The following RPS6KA2 variants were observed in gnomAD, a reference collection of about 807,000 sequenced individuals.
The protein encoded by RPS6KA2 is ribosomal protein S6 kinase alpha-2.
A neutral mutation model predicts 91.8 loss-of-function variants in RPS6KA2; 42 were observed. The ratio of observed to expected loss-of-function variants is 0.46; its 90% CI spans 0.36 to 0.59. The LOEUF (loss-of-function observed/expected upper bound fraction) is 0.59. Among genes scored for constraint, RPS6KA2 ranks in the 20% least tolerant of loss-of-function variants. RPS6KA2 has a pLI of 0.00. For missense variants in RPS6KA2, 798 were observed against 978.5 expected, an observed-to-expected ratio of 0.82 and a Z score of 2.46; for synonymous variants, 414 against 393.6, an observed-to-expected ratio of 1.05 and a Z score of -0.61.
chr6:166,650,476 T>A (rs1203234073), intron 2 of RPS6KA2, among the ~76,000 whole-genome samples: 1 of 151,690 alleles, frequency 6.6e-6, no homozygotes, highest in Non-Finnish European at 1.5e-5. Flanking sequence ...TTCACCGTCC[T>A]CTTTTCACGG....
rs924600833 is a variant in RPS6KA2, at chr6:166,726,185, A to T, written c.123+132015T>A. ...TTCACATAACTACTTTGATAAATCT[A>T]CTATTTATAAGCAAAGTCCTAGCCA... On this transcript the variant is annotated intron_variant, in intron 2 of 21. Transcript: ENST00000503859. The surrounding 1 kb of genome is among the most constrained non-coding windows in gnomAD (Gnocchi z 4.4). Among the ~76,000 whole-genome samples, 1 of 151,900 alleles carries T rather than the reference A, an allele frequency of 6.6e-6. No homozygotes were observed. The highest frequency in any genetic ancestry group is 1.5e-5 in the Non-Finnish European group (1 of 67,996).
At chr6:166,702,000 T>C (rs1789536284) in intron 2 of RPS6KA2, 1 of 1,004,964 alleles carries the variant, frequency 1.0e-6, no homozygotes, top group African/African-American at 1.6e-5. Flanking sequence ...TTCAAGGGGA[T>C]CTCTTCTGTG....
In RPS6KA2 at chr6:166,533,716, TGACA is replaced by T. The variant is rs745525593; in HGVS notation, c.217-2407_217-2404del. ...CAGCCCATGGTGGACTTTGGTAGGG[TGACA>T]GATGAATCTATCCATTCCATTGCGG... On this transcript the variant is annotated intron_variant, in intron 2 of 20. Coordinates refer to ENST00000265678, the MANE Select transcript of RPS6KA2 (RefSeq NM_021135.6). The surrounding 1 kb of genome is among the most constrained non-coding windows in gnomAD (Gnocchi z 4.0). Among the ~76,000 whole-genome samples the T allele has an allele frequency of 2.0e-4, 30 of 152,216 alleles. No individual in the cohort carries two copies. The highest frequency in any genetic ancestry group is 3.2e-4 in the Non-Finnish European group (22 of 68,036).
intron 1 of RPS6KA2, among the ~76,000 whole-genome samples, chr6:166,582,932 T>G (rs1344852647): frequency 6.6e-6 from 1 of 152,246 alleles, no homozygotes; most frequent in Non-Finnish European, 1.5e-5. Context: ...AATTTGAAGA[T>G]TTAAGAAAAA....
At chr6:166,743,444 C>T (rs571385409) in intron 2 of RPS6KA2, among the ~76,000 whole-genome samples, 4 of 152,324 alleles carry the variant, frequency 2.6e-5, no homozygotes, top group South Asian at 4.1e-4. Flanking sequence ...AGCCACATCA[C>T]GGCTTTTAAT....
chr6:166,623,160 C>T (rs1490395795), intron 1 of RPS6KA2, among the ~76,000 whole-genome samples: 2 of 152,214 alleles, frequency 1.3e-5, no homozygotes, highest in Non-Finnish European at 2.9e-5. Context: ...CAAAGAGAAC[C>T]CTCTGGCTTT....
rs60613942 is a variant in RPS6KA2 at position 166,568,621 on chromosome 6, G to GAAAAAAA, written c.100-29844_100-29838dup. On this transcript the variant is annotated intron_variant, in intron 1 of 20. Transcript: ENST00000265678. Reference sequence around the variant, plus strand: ...ACAACAAGAGCAAAACTCCATCTCAGAAAAAAAAAAAAAAAAAAAAAAAAA... The same window carrying GAAAAAAA: ...ACAACAAGAGCAAAACTCCATCTCAGAAAAAAAAAAAAAAAAAAAAAAAAAAAAAAAA... 7.0e-4 allele frequency among the ~76,000 whole-genome samples: 32 copies of GAAAAAAA among 45,550 alleles called. 4 individuals carry two copies. The highest frequency in any genetic ancestry group is 9.8e-4 in the Admixed American group (3 of 3,058). 29.9% of individuals were successfully genotyped at this position (45,550 alleles called of 152,430 possible). A position where few individuals can be genotyped will look rare whatever the true frequency, so the allele number is the denominator to read the frequency against.
intron 3 of RPS6KA2, 151 bp downstream of exon 3, chr6:166,531,081 T>C: frequency 1.5e-6 from 1 of 658,586 alleles, no homozygotes; most frequent in South Asian, 1.8e-5. Flanking sequence ...GAAATGTTTA[T>C]ACTGTTTATT....
At position 166,496,281 on chromosome 6, in the gene RPS6KA2, C is replaced by T. The variant is rs186805577; in HGVS notation, c.747+2227G>A. ...AGGAGAATGGCTTGAACCCAGGAGG[C>T]GGAGGTTGCAGTGAGCTGAGATTGC... On this transcript the variant is annotated intron_variant, in intron 8 of 20. Coordinates refer to ENST00000265678, the MANE Select transcript of RPS6KA2 (RefSeq NM_021135.6). Among the ~76,000 whole-genome samples the T allele has an allele frequency of 1.3e-3, 189 of 151,070 alleles. 1 individual carries two copies. The highest frequency in any genetic ancestry group is 4.4e-3 in the African/African-American group (182 of 40,932).
Position 166,459,101 on chromosome 6 carries a change from C to T in RPS6KA2, c.1075+348G>A, listed in dbSNP as rs78333914. 0.024 allele frequency among the ~76,000 whole-genome samples: 3,703 copies of T among 152,236 alleles called. 157 individuals carry two copies. Among genetic ancestry groups the T allele is most frequent in the African/African-American group, 0.085 (3,510 of 41,534 alleles). ...GACATAACTGACAGCCTTCCCTCTC[C>T]GTAAATGCACTTTAATTGAAAGAGG... is the stretch of plus-strand genomic sequence containing the variant. On this transcript the variant is annotated intron_variant, in intron 12 of 20. Transcript: ENST00000265678. The surrounding 1 kb of genome is among the most constrained non-coding windows in gnomAD (Gnocchi z 4.9).
intron 1 of RPS6KA2, among the ~76,000 whole-genome samples, chr6:166,566,235 T>C (rs1265838643): frequency 6.6e-6 from 1 of 152,170 alleles, no homozygotes. Flanking sequence ...TCTTCATGAT[T>C]GTACCACATG....
At chr6:166,753,427 AT>A (rs1216391609) in intron 2 of RPS6KA2, among the ~76,000 whole-genome samples, 7 of 152,204 alleles carry the variant, frequency 4.6e-5, no homozygotes, top group Non-Finnish European at 8.8e-5. Flanking sequence ...TGCTGTTGGA[AT>A]TTTTTTCTTG....
At chr6:166,703,320 G>A (rs1789583616) in intron 2 of RPS6KA2, among the ~76,000 whole-genome samples, 1 of 152,224 alleles carries the variant, frequency 6.6e-6, no homozygotes, top group Admixed American at 6.5e-5. Flanking sequence ...TGTTACACCT[G>A]GGTCACATTA....
intron 1 of RPS6KA2, among the ~76,000 whole-genome samples, chr6:166,589,418 T>C (rs995406359): frequency 1.6e-4 from 24 of 152,246 alleles, no homozygotes; most frequent in Non-Finnish European, 2.8e-4. Flanking sequence ...CACACTGGAA[T>C]TGAAAAATAA....
chr6:166,839,699 A>ACGG (rs1780415778), intron 2 of RPS6KA2, among the ~76,000 whole-genome samples: 2 of 19,492 alleles, frequency 1.0e-4, no homozygotes, highest in African/African-American at 5.0e-4. Context: ...AGAGGGGAGG[A>ACGG]GAGGAGAGGA....
Position 166,500,751 on chromosome 6 carries a change from A to G in RPS6KA2, c.604+136T>C. 1 of 778,414 alleles carries G rather than the reference A, an allele frequency of 1.3e-6. No homozygotes were observed. The highest frequency in any genetic ancestry group is 2.2e-6 in the Non-Finnish European group (1 of 457,634). 48.2% of individuals were successfully genotyped at this position (778,414 alleles called of 1,614,324 possible). On this transcript the variant is annotated intron_variant, in intron 7 of 20. Transcript: ENST00000265678. The surrounding 1 kb of genome is among the most constrained non-coding windows in gnomAD (Gnocchi z 4.3). ...CCATAAGCAGTCTGTAGCTATAGAA[A>G]ATTCTGCCAAATCAGAGACAAGCAT...
At chr6:166,614,116 G>A (rs867778757) in intron 1 of RPS6KA2, among the ~76,000 whole-genome samples, 7 of 152,152 alleles carry the variant, frequency 4.6e-5, no homozygotes, top group South Asian at 2.1e-4. Context: ...TCAGCCCTGC[G>A]GAGATGTCTC....
At chr6:166,725,949 G>A (rs919540594) in intron 2 of RPS6KA2, among the ~76,000 whole-genome samples, 3 of 152,184 alleles carry the variant, frequency 2.0e-5, no homozygotes, top group Non-Finnish European at 2.9e-5. Context: ...TTGGGGAACC[G>A]ACAGATTTAC....
At chr6:166,704,018 C>T (rs1789608050) in intron 2 of RPS6KA2, among the ~76,000 whole-genome samples, 1 of 152,156 alleles carries the variant, frequency 6.6e-6, no homozygotes, top group Non-Finnish European at 1.5e-5. Context: ...ATATTATTTT[C>T]ATTTAAAAGA....
Sources: allele counts gnomAD v4.1 joint callset (sites outside exome capture counted in the v4.1 genomes callset), GRCh38; gene constraint gnomAD v4.1.1; non-coding constraint Gnocchi (gnomAD v3.1); transcripts MANE v1.5; gene names NCBI Gene and HGNC (gene_info 2026-07-23, HGNC 2026-07-21).